NID2: variants seen among roughly 807,000 people sequenced by gnomAD.
NID2 encodes nidogen 2.
Under a neutral mutation model 145.4 loss-of-function variants are expected in NID2, and 83 were observed. That is an observed-to-expected ratio of 0.57 (90% confidence interval 0.48 to 0.69). The LOEUF (loss-of-function observed/expected upper bound fraction) is 0.69, where lower values mean the gene tolerates loss of function less well. NID2 is among the 30% of genes least tolerant of loss of function. The probability of loss-of-function intolerance (pLI) is 0.00; values close to 1 mark genes in which losing one functional copy is unlikely to be tolerated. For synonymous variants in NID2, 739 were observed against 701.3 expected, an observed-to-expected ratio of 1.05 and a Z score of -0.85; for missense variants, 1,807 against 1,765.7, an observed-to-expected ratio of 1.02 and a Z score of -0.42.
At chr14:52,014,073 CA>C in intron 16 of NID2, 2 of 627,384 alleles carry the variant, frequency 3.2e-6, no homozygotes, top group Admixed American at 5.2e-5. Context: ...ATGAACGAAC[CA>C]GAGAGCACAG....
At chr14:52,046,766 C>T (rs1416151712) in intron 5 of NID2, among the ~76,000 whole-genome samples, 1 of 152,158 alleles carries the variant, frequency 6.6e-6, no homozygotes, top group Non-Finnish European at 1.5e-5. Flanking sequence ...TACTGTTAAG[C>T]TAACCTGGGA....
chr14:52,012,402 G>C (rs1267814574), intron 16 of NID2, among the ~76,000 whole-genome samples: 1 of 152,040 alleles, frequency 6.6e-6, no homozygotes, highest in African/African-American at 2.4e-5. Context: ...CCAGGAGTTC[G>C]AGACTGAGCA....
chr14:52,020,873 T>G (rs983612891), intron 12 of NID2, among the ~76,000 whole-genome samples: 2 of 152,216 alleles, frequency 1.3e-5, no homozygotes, highest in African/African-American at 4.8e-5. Flanking sequence ...ACTCTCCACA[T>G]AGCACCATGA....
intron 12 of NID2, among the ~76,000 whole-genome samples, chr14:52,023,453 T>TA (rs1376746364): frequency 8.7e-5 from 13 of 149,392 alleles, no homozygotes; most frequent in African/African-American, 2.7e-4. Context: ...AGACCCTGCC[T>TA]AAAAAAATAA....
At chr14:52,030,579 AAAGAAAG>A (rs1891805054) in intron 9 of NID2, among the ~76,000 whole-genome samples, 2 of 3,478 alleles carry the variant, frequency 5.8e-4, no homozygotes, top group East Asian at 9.8e-3. Flanking sequence ...GAAGGAAGGG[AAAGAAAG>A]AAAGAAAGAA....
chr14:52,042,942 A>C lies in NID2; in HGVS notation c.1430-11T>G. On this transcript the variant is annotated splice_polypyrimidine_tract_variant and intron_variant, in intron 5 of 21. Coordinates refer to ENST00000216286, the MANE Select transcript of NID2 (RefSeq NM_007361.4). ...CATTATACGTGAAGACTGAAAAATAAAACAAACTTGCCTTAAAAGGACTAA... is the reference window on the plus strand; with the variant it reads ...CATTATACGTGAAGACTGAAAAATACAACAAACTTGCCTTAAAAGGACTAA... The C allele has an allele frequency of 6.2e-7, 1 of 1,613,984 alleles. No homozygotes were observed. The highest frequency in any genetic ancestry group is 8.5e-7 in the Non-Finnish European group (1 of 1,179,956).
Position 52,019,333 on chromosome 14 carries a change from T to A in NID2, c.2795-39A>T, listed in dbSNP as rs778783252. ...GGCAGAGGAAGACACAAAAGAGAAA[T>A]AGAAGGCATTGCAACCCATCCACTT... is the stretch of plus-strand genomic sequence containing the variant. On this transcript the variant is annotated intron_variant, in intron 13 of 21. Coordinates refer to ENST00000216286, the MANE Select transcript of NID2 (RefSeq NM_007361.4). 1.2e-5 allele frequency: 18 copies of A among 1,497,346 alleles called. No homozygotes were observed. In the Middle Eastern group the frequency reaches 7.2e-4, roughly 60 times the overall value. 92.8% of individuals were successfully genotyped at this position (1,497,346 alleles called of 1,614,324 possible).
chr14:52,037,645 C>T (rs570928744), intron 9 of NID2, among the ~76,000 whole-genome samples: 1 of 152,244 alleles, frequency 6.6e-6, no homozygotes, highest in Admixed American at 6.5e-5. Flanking sequence ...CTTTGAATTT[C>T]CATATAAATT....
chr14:52,007,499 A>G (rs995540772), intron 19 of NID2: 1 of 329,204 alleles, frequency 3.0e-6, no homozygotes, highest in African/African-American at 2.2e-5. Context: ...CTCTCCCCGC[A>G]TAAGAATAAC....
At chr14:52,008,230 A>ATGCCATGTTGCAAGC (rs1890870670) in intron 18 of NID2, 1 of 331,554 alleles carries the variant, frequency 3.0e-6, no homozygotes, top group South Asian at 5.7e-5. Flanking sequence ...GGGAAGCTGG[A>ATGCCATGTTGCAAGC]TGCCATGTTG....
intron 11 of NID2, 75 bp downstream of exon 11, chr14:52,028,647 A>G: frequency 6.6e-7 from 1 of 1,520,086 alleles, no homozygotes; most frequent in Non-Finnish European, 8.9e-7. Context: ...AGCAGAAGTC[A>G]AAACACTGAC....
Position 52,038,762 on chromosome 14 carries a change from TTTGA to T in NID2, c.2238_2241del (p.Asn746LysfsTer36). 6.3e-7 allele frequency: 1 copy of T among 1,579,172 alleles called. No homozygotes were observed. The highest frequency in any genetic ancestry group is 8.6e-7 in the Non-Finnish European group (1 of 1,163,304). On this transcript the variant is annotated frameshift_variant, in exon 9 of 22. Coordinates refer to ENST00000216286, the MANE Select transcript of NID2 (RefSeq NM_007361.4). LOFTEE classifies it high-confidence loss of function. ...GAAACCTTACCTTTGACCGGGCCAA[TTTGA>T]TTGGTCACAGCAAATCTAAGCACTC...
At chr14:52,060,698 A>C (rs1160562707) in intron 2 of NID2, among the ~76,000 whole-genome samples, 3 of 152,258 alleles carry the variant, frequency 2.0e-5, no homozygotes. Flanking sequence ...AGCTAAGAGC[A>C]ATCAGCAAAA....
chr14:52,049,191 GTTT>G (rs201049534), intron 5 of NID2, among the ~76,000 whole-genome samples: 4 of 124,242 alleles, frequency 3.2e-5, no homozygotes, highest in Non-Finnish European at 7.2e-5. Context: ...TCTATTTAAT[GTTT>G]TTTTTGTTTG....
chr14:52,027,440 C>G, intron 11 of NID2, 96 bp from the exon 12 acceptor site: 1 of 1,116,116 alleles, frequency 9.0e-7, no homozygotes, highest in South Asian at 2.5e-5. Flanking sequence ...CAGCAACAGA[C>G]CAGGGAATGC....
At chr14:52,025,120 T>C (rs1765259960) in intron 12 of NID2, among the ~76,000 whole-genome samples, 1 of 152,218 alleles carries the variant, frequency 6.6e-6, no homozygotes, top group Non-Finnish European at 1.5e-5. Flanking sequence ...GGATTCACAT[T>C]TCTTAGAGCT....
Position 52,011,699 on chromosome 14 carries a change from C to T in NID2, c.3421-16G>A. ...TTATGGAGCCCTTTGTGCATCAAAT[C>T]ATAGAATTAGAAGAATTAGGTTACA... On this transcript the variant is annotated splice_polypyrimidine_tract_variant and intron_variant, in intron 16 of 21. Transcript: ENST00000216286. 1.2e-6 allele frequency: 2 copies of T among 1,613,928 alleles called. No individual in the cohort carries two copies. The highest frequency in any genetic ancestry group is 1.7e-6 in the Non-Finnish European group (2 of 1,179,946).
At chr14:52,037,562 C>G (rs1892117143) in intron 9 of NID2, among the ~76,000 whole-genome samples, 1 of 152,210 alleles carries the variant, frequency 6.6e-6, no homozygotes, top group Admixed American at 6.5e-5. Context: ...GTCTTGATTA[C>G]TCTAGATTTC....
At chr14:52,030,476 G>GAAAGAAAAA (rs1891763143) in intron 9 of NID2, among the ~76,000 whole-genome samples, 1 of 79,492 alleles carries the variant, frequency 1.3e-5, no homozygotes. Flanking sequence ...TATCTCGAGA[G>GAAAGAAAAA]AAAGAAAAGA....
Sources: gnomAD v4.1 joint callset for allele counts (sites outside exome capture counted in the v4.1 genomes callset) on GRCh38, gnomAD v4.1.1 for gene constraint, MANE v1.5 for transcripts, NCBI Gene and HGNC (gene_info 2026-07-23, HGNC 2026-07-21) for gene names.